The following INKA2 variants were observed in gnomAD, a reference collection of about 807,000 sequenced individuals.
INKA2 encodes the protein inka box actin regulator 2.
INKA2 carries 3 observed loss-of-function variants against 9.8 expected under a neutral mutation model. The ratio of observed to expected loss-of-function variants is 0.31; its 90% CI spans 0.14 to 0.79. The LOEUF is 0.79. Among genes scored for constraint, INKA2 ranks in the 30% least tolerant of loss-of-function variants. The probability of loss-of-function intolerance (pLI) is 0.62; values close to 1 mark genes in which losing one functional copy is unlikely to be tolerated. For synonymous variants in INKA2, 147 were observed against 143.3 expected (o/e 1.03, Z -0.18); for missense variants, 392 against 384.4 (o/e 1.02, Z -0.17).
intron 1 of INKA2, chr1:111,754,590 T>C (rs1033639018): frequency 6.6e-6 from 1 of 152,268 alleles, no homozygotes; most frequent in Non-Finnish European, 1.5e-5. Flanking sequence ...TGGCAACTCC[T>C]GGCCTCAAGC....
intron 1 of INKA2, among the ~76,000 whole-genome samples, chr1:111,728,267 G>A (rs988101043): frequency 3.3e-5 from 5 of 152,176 alleles, no homozygotes; most frequent in African/African-American, 1.2e-4. Context: ...AATGATGACA[G>A]TGATGATGGC....
chr1:111,728,372 G>T (rs567801314), intron 1 of INKA2, among the ~76,000 whole-genome samples: 1 of 152,276 alleles, frequency 6.6e-6, no homozygotes, highest in East Asian at 1.9e-4. Context: ...ACCGTATGAG[G>T]TTGCTATTTT....
chr1:111,739,263 G>A lies in INKA2; in HGVS notation c.-21C>T, dbSNP rs759619883. The A allele has an allele frequency of 5.6e-6, 9 of 1,613,540 alleles. No individual in the cohort carries two copies. The South Asian group carries it at 7.7e-5, about 14-fold the overall frequency. ...GTCATGCGCCCATTTGTCGGGTTCGGTTCAAACAGAGAGGGCCCGGGTGAA... is the reference window on the plus strand; with the variant it reads ...GTCATGCGCCCATTTGTCGGGTTCGATTCAAACAGAGAGGGCCCGGGTGAA... On this transcript the variant is annotated 5_prime_UTR_variant, in exon 1 of 2. Transcript: ENST00000357260.
chr1:111,737,019 G>T (rs952161921), intron 1 of INKA2, among the ~76,000 whole-genome samples: 1 of 152,026 alleles, frequency 6.6e-6, no homozygotes, highest in Non-Finnish European at 1.5e-5. Context: ...GCTCTGTCTC[G>T]TCTCTGAGCA....
intron 1 of INKA2, chr1:111,745,227 A>AATATATAT (rs142983500): frequency 1.5e-5 from 2 of 130,938 alleles, no homozygotes; most frequent in African/African-American, 6.2e-5. Context: ...AAGGCAAGCA[A>AATATATAT]ATATACACAC....
chr1:111,752,899 C>T (rs1219059835), intron 1 of INKA2, among the ~76,000 whole-genome samples: 1 of 152,090 alleles, frequency 6.6e-6, no homozygotes, highest in Non-Finnish European at 1.5e-5. Flanking sequence ...AGGGTTTCAC[C>T]ATGTTAGCCA....
At chr1:111,755,336 G>A (rs1364297743) in intron 1 of INKA2, 1 of 314,992 alleles carries the variant, frequency 3.2e-6, no homozygotes, top group Admixed American at 5.1e-5. Context: ...AGATAAATGG[G>A]GTTTATCTCA....
intron 1 of INKA2, chr1:111,747,938 A>C (rs1327613655): frequency 6.6e-6 from 1 of 152,224 alleles, no homozygotes; most frequent in East Asian, 1.9e-4. Flanking sequence ...TGAGGAAGCC[A>C]CCAGGGTATC....
intron 1 of INKA2, chr1:111,745,480 T>G (rs1484376451): frequency 6.6e-6 from 1 of 150,574 alleles, no homozygotes; most frequent in Admixed American, 6.6e-5. Flanking sequence ...TATGGTTTTT[T>G]TTGTGGAGAC....
chr1:111,735,254 G>A (rs1412854072), intron 1 of INKA2, among the ~76,000 whole-genome samples: 2 of 152,194 alleles, frequency 1.3e-5, no homozygotes, highest in East Asian at 1.9e-4. Flanking sequence ...CCTAAACACA[G>A]TATGAACTCA....
chr1:111,750,993 T>C (rs531267616), intron 1 of INKA2, among the ~76,000 whole-genome samples: 45 of 152,232 alleles, frequency 3.0e-4, no homozygotes, highest in Non-Finnish European at 4.7e-4. Flanking sequence ...CTGTTCTCTG[T>C]GCCTAGAATA....
In INKA2 at chr1:111,726,707, A is replaced by G. The variant is rs1179376244; in HGVS notation, c.*261T>C. 2.0e-6 allele frequency: 1 copy of G among 509,234 alleles called. No individual in the cohort carries two copies. The highest frequency in any genetic ancestry group is 3.5e-6 in the Non-Finnish European group (1 of 285,582). The allele number at this position is 509,234 out of a possible 1,614,324, so 31.5% of individuals were successfully genotyped here. ...GTGCATGCATGCCAGACAGACACACACATGCACACACACACACACACACGC... is the reference window on the plus strand; with the variant it reads ...GTGCATGCATGCCAGACAGACACACGCATGCACACACACACACACACACGC... On this transcript the variant is annotated 3_prime_UTR_variant, in exon 2 of 2. Transcript: ENST00000357260.
At position 111,723,431 on chromosome 1, in the gene INKA2, T is replaced by G; in HGVS notation, c.*3537A>C. ...AGGAGGGAGACCAGGCCGGCCCCAC[T>G]AGCATGCCCAGCAGGGACTCTTTTC... On this transcript the variant is annotated 3_prime_UTR_variant, in exon 2 of 2. Coordinates refer to ENST00000357260, the MANE Select transcript of INKA2 (RefSeq NM_019099.5). 61 of 224,958 alleles carry G rather than the reference T, an allele frequency of 2.7e-4. No individual in the cohort carries two copies. The highest frequency in any genetic ancestry group is 3.2e-4 in the East Asian group (5 of 15,442). The allele number at this position is 224,958 out of a possible 1,614,324, so 13.9% of individuals were successfully genotyped here. A position where few individuals can be genotyped will look rare whatever the true frequency, so the allele number is the denominator to read the frequency against.
chr1:111,749,884 A>T (rs1663360695), intron 1 of INKA2, among the ~76,000 whole-genome samples: 1 of 152,146 alleles, frequency 6.6e-6, no homozygotes, highest in Non-Finnish European at 1.5e-5. Context: ...AGTGCATCTC[A>T]TTGCTGCTGA....
intron 1 of INKA2, among the ~76,000 whole-genome samples, chr1:111,735,163 C>G (rs1205327076): frequency 6.6e-6 from 1 of 152,200 alleles, no homozygotes; most frequent in South Asian, 2.1e-4. Flanking sequence ...ATTATTATAT[C>G]TTCTATTAAA....
intron 1 of INKA2, among the ~76,000 whole-genome samples, chr1:111,733,728 T>C (rs544295120): frequency 3.9e-5 from 6 of 152,270 alleles, no homozygotes; most frequent in African/African-American, 1.4e-4. Context: ...TGGGCCCTCT[T>C]GGGGCTCTTT....
chr1:111,737,384 A>T (rs1663028815), intron 1 of INKA2, among the ~76,000 whole-genome samples: 1 of 152,138 alleles, frequency 6.6e-6, no homozygotes, highest in African/African-American at 2.4e-5. Flanking sequence ...AAAAAATGCA[A>T]ATCAGTAGGA....
chr1:111,726,125 C>T lies in INKA2; in HGVS notation c.*843G>A. The T allele has an allele frequency of 5.0e-6, 2 of 398,630 alleles. No homozygotes were observed. Among genetic ancestry groups the T allele is most frequent in the Non-Finnish European group, 8.8e-6 (2 of 226,074 alleles). 24.7% of individuals were successfully genotyped at this position (398,630 alleles called of 1,614,324 possible). On this transcript the variant is annotated 3_prime_UTR_variant, in exon 2 of 2. Transcript: ENST00000357260. ...CAGTTAGACCTAGGCTGTTCTGCCT[C>T]CTGGCTGCAGTTGTTCCTGGACATG...
chr1:111,729,880 C>T (rs930832121), intron 1 of INKA2, among the ~76,000 whole-genome samples: 11 of 152,258 alleles, frequency 7.2e-5, no homozygotes, highest in African/African-American at 2.7e-4. Flanking sequence ...CCAGCAGAAG[C>T]AGCACTAAAG....
Sources: allele counts gnomAD v4.1 joint callset (sites outside exome capture counted in the v4.1 genomes callset), GRCh38; gene constraint gnomAD v4.1.1; transcripts MANE v1.5; gene names NCBI Gene and HGNC (gene_info 2026-07-23, HGNC 2026-07-21).